The following HMCN2 variants were observed in gnomAD, a reference collection of about 807,000 sequenced individuals.
HMCN2 encodes the protein hemicentin-2.
In HMCN2, 325 loss-of-function variants were observed where a neutral mutation model predicts 377.5. That is an observed-to-expected ratio of 0.86 (90% CI 0.79 to 0.94). The LOEUF (loss-of-function observed/expected upper bound fraction) is 0.94. Among genes scored for constraint, HMCN2 ranks in the 40% least tolerant of loss-of-function variants. The probability of loss-of-function intolerance (pLI) is 0.00; values close to 1 mark genes in which losing one functional copy is unlikely to be tolerated. For synonymous variants in HMCN2, 2,007 were observed against 2,046.8 expected, an observed-to-expected ratio of 0.98 and a Z score of 0.53; for missense variants, 4,543 against 4,725.3, an observed-to-expected ratio of 0.96 and a Z score of 1.13.
chr9:130,351,435 G>A lies in HMCN2; in HGVS notation c.4443G>A (p.Pro1481=), dbSNP rs541332916. 16 of 1,303,998 alleles carry A rather than the reference G, an allele frequency of 1.2e-5. No homozygotes were observed. The highest frequency in any genetic ancestry group is 7.6e-5 in the African/African-American group (5 of 65,952). 80.8% of individuals were successfully genotyped at this position (1,303,998 alleles called of 1,614,324 possible). A position where few individuals can be genotyped will look rare whatever the true frequency, so the allele number is the denominator to read the frequency against. The change falls in exon 30 of 98, where the codon CCG becomes CCA. Residue 1481 remains proline, a synonymous_variant. Transcript: ENST00000683500. This position sits in a 1 kb window ranked among gnomAD's most constrained non-coding sequence, Gnocchi z 5.4. ...CCCGTCTCTCCAGGCCTGTCCTTCC[G>A]GGAGGCCCTCACCTGCAGGTCCAGG... is the stretch of plus-strand genomic sequence containing the variant. The part of the protein sequence containing the change: ...EWTKDRQPVL[P]GGPHLQVQED...
Position 130,348,139 on chromosome 9 carries a change from A to G in HMCN2, c.4025-406A>G, listed in dbSNP as rs550968376. The G allele has an allele frequency of 8.5e-5, 60 of 707,478 alleles. No individual in the cohort carries two copies. In the African/African-American group the frequency reaches 1.1e-3, roughly 13 times the overall value. 43.8% of individuals were successfully genotyped at this position (707,478 alleles called of 1,614,324 possible). On this transcript the variant is annotated intron_variant, in intron 26 of 97. Transcript: ENST00000683500. ...CGCCACCTGCTGCTTCCCCAGGACCAGCTGCTCTGGCTAGCCCTGTAATGA... is the reference window on the plus strand; with the variant it reads ...CGCCACCTGCTGCTTCCCCAGGACCGGCTGCTCTGGCTAGCCCTGTAATGA...
At chr9:130,409,685 T>C (rs1470654502) in intron 84 of HMCN2, among the ~76,000 whole-genome samples, 2 of 152,198 alleles carry the variant, frequency 1.3e-5, no homozygotes, top group Admixed American at 1.3e-4. Context: ...TATAAGATCC[T>C]AGCAGTTATC....
intron 25 of HMCN2, among the ~76,000 whole-genome samples, chr9:130,342,753 C>T (rs1429448436): frequency 6.6e-6 from 1 of 152,116 alleles, no homozygotes; most frequent in Non-Finnish European, 1.5e-5. Context: ...GGGGTGTGAT[C>T]GCCAGGGCTG....
chr9:130,391,930 C>G lies in HMCN2; in HGVS notation c.9953-5C>G, dbSNP rs962321659. The G allele has an allele frequency of 1.0e-6, 1 of 987,842 alleles. No homozygotes were observed. Among genetic ancestry groups the G allele is most frequent in the Non-Finnish European group, 1.2e-6 (1 of 830,124 alleles). 61.2% of individuals were successfully genotyped at this position (987,842 alleles called of 1,614,324 possible). On this transcript the variant is annotated splice_polypyrimidine_tract_variant and splice_region_variant and intron_variant, in intron 65 of 97. Coordinates refer to ENST00000683500, the MANE Select transcript of HMCN2 (RefSeq NM_001291815.2). ...ACTACCCCTCTTTTTTCTACCCACC[C>G]TCAGTTCCTCCCACCATCAAGCAGG...
At position 130,397,188 on chromosome 9, in the gene HMCN2, A is replaced by C. The variant is rs142928483; in HGVS notation, c.11199-340A>C. Among the ~76,000 whole-genome samples the C allele has an allele frequency of 3.9e-5, 6 of 152,370 alleles. No individual in the cohort carries two copies. In the East Asian group the frequency reaches 9.6e-4, roughly 24 times the overall value. On this transcript the variant is annotated intron_variant, in intron 73 of 97. Transcript: ENST00000683500. ...ACAATCATGGTGGAAGGAAAGGAGG[A>C]ACAAGTTACATCTTACGTGGATGGC...
chr9:130,282,935 G>T (rs963869321), intron 1 of HMCN2, among the ~76,000 whole-genome samples: 7 of 152,138 alleles, frequency 4.6e-5, no homozygotes, highest in Non-Finnish European at 7.3e-5. Context: ...GCTGGGTGTG[G>T]TGGCACATGA....
chr9:130,349,268 C>T (rs1839565934), intron 28 of HMCN2, 137 bp downstream of exon 28: 6 of 906,454 alleles, frequency 6.6e-6, no homozygotes, highest in South Asian at 6.6e-5. Context: ...CAGACCCAAC[C>T]CCCATCCTCA....
In HMCN2 at chr9:130,308,331, A is replaced by T. The variant is rs1245154542; in HGVS notation, c.2200+765A>T. Among the ~76,000 whole-genome samples, 1 of 152,194 alleles carries T rather than the reference A, an allele frequency of 6.6e-6. No homozygotes were observed. Among genetic ancestry groups the T allele is most frequent in the African/African-American group, 2.4e-5 (1 of 41,440 alleles). ...ATTCTTAGTGATAGTGCCGACGATA[A>T]TGTGATTATCTGAAAATGACAGCAA... On this transcript the variant is annotated intron_variant, in intron 14 of 97. Transcript: ENST00000683500. The surrounding 1 kb of genome is among the most constrained non-coding windows in gnomAD (Gnocchi z 4.1).
At chr9:130,404,840 G>T (rs1843014006) in intron 80 of HMCN2, 29 bp from the exon 81 acceptor site, 1 of 1,204,990 alleles carries the variant, frequency 8.3e-7, no homozygotes, top group Non-Finnish European at 1.1e-6. Flanking sequence ...CTGAGCCCCG[G>T]TTCCGAGTGG....
At position 130,302,851 on chromosome 9, in the gene HMCN2, C is replaced by T. The variant is rs1564764653; in HGVS notation, c.1277-6C>T. On this transcript the variant is annotated splice_polypyrimidine_tract_variant and splice_region_variant and intron_variant, in intron 8 of 97. Coordinates refer to ENST00000683500, the MANE Select transcript of HMCN2 (RefSeq NM_001291815.2). The stretch of plus-strand genomic sequence containing the variant: ...AGACATTCTGAGTCCTGGTCCCCGC[C>T]TACAGGCGCTCCCCTCGTCAGCATG... 2.2e-6 allele frequency: 1 copy of T among 461,676 alleles called. No individual in the cohort carries two copies. The highest frequency in any genetic ancestry group is 4.5e-6 in the Non-Finnish European group (1 of 221,668). The allele number at this position is 461,676 out of a possible 1,614,324, so 28.6% of individuals were successfully genotyped here.
At chr9:130,334,394 T>C (rs1838593550) in intron 22 of HMCN2, among the ~76,000 whole-genome samples, 2 of 152,150 alleles carry the variant, frequency 1.3e-5, no homozygotes, top group African/African-American at 4.8e-5. Context: ...TCCTGGATCC[T>C]TTGGCCTCAG....
intron 1 of HMCN2, among the ~76,000 whole-genome samples, chr9:130,270,414 T>C (rs1293084594): frequency 7.5e-5 from 11 of 147,564 alleles, no homozygotes; most frequent in African/African-American, 2.7e-4. Flanking sequence ...ATTTTAAAAA[T>C]TGGTAGGCTG....
At chr9:130,419,305 C>G (rs1168693520) in intron 86 of HMCN2, 1 of 357,794 alleles carries the variant, frequency 2.8e-6, no homozygotes, top group African/African-American at 2.1e-5. Context: ...TGTCCTCTGT[C>G]TGGACACTGC....
intron 15 of HMCN2, among the ~76,000 whole-genome samples, 167 bp from the exon 16 acceptor site, chr9:130,319,328 G>T (rs1299962301): frequency 6.6e-6 from 1 of 152,116 alleles, no homozygotes; most frequent in African/African-American, 2.4e-5. Flanking sequence ...AGCTCTCCAG[G>T]GGTGGATGCC....
chr9:130,375,888 TG>T lies in HMCN2; in HGVS notation c.7818del (p.Gln2607ArgfsTer3). The T allele has an allele frequency of 1.0e-6, 1 of 985,962 alleles. No homozygotes were observed. The highest frequency in any genetic ancestry group is 4.7e-5 in the South Asian group (1 of 21,288). The allele number at this position is 985,962 out of a possible 1,614,324, so 61.1% of individuals were successfully genotyped here. Reference protein sequence around the residue: ...NIQLLPGTHGLQILNAQKEDA... With the variant: ...NIQLLPGTHGXQILNAQKEDA... ...GGCCCCCACACAGGTACCCACGGGC[TG>T]CAGATCCTGAATGCCCAGAAGGAAG... On this transcript the variant is annotated frameshift_variant, in exon 51 of 98. Coordinates refer to ENST00000683500, the MANE Select transcript of HMCN2 (RefSeq NM_001291815.2). LOFTEE classifies it high-confidence loss of function.
intron 96 of HMCN2, 108 bp downstream of exon 96, chr9:130,431,594 A>G: frequency 7.0e-7 from 1 of 1,429,940 alleles, no homozygotes. Flanking sequence ...CCCCTTCACA[A>G]CTATCCTGTG....
Position 130,395,351 on chromosome 9 carries a change from G to A in HMCN2, c.10911+4G>A, listed in dbSNP as rs1199371201. On this transcript the variant is annotated splice_donor_region_variant and intron_variant, in intron 71 of 97. Transcript: ENST00000683500. The stretch of plus-strand genomic sequence containing the variant: ...CCGAGACGGCATTGTGCTGCAGGTG[G>A]GCGCCAGGCAGGGCCCCAGGGTGCT... 1.6e-6 allele frequency: 2 copies of A among 1,285,618 alleles called. No individual in the cohort carries two copies. Among genetic ancestry groups the A allele is most frequent in the Non-Finnish European group, 2.0e-6 (2 of 986,908 alleles). 79.6% of individuals were successfully genotyped at this position (1,285,618 alleles called of 1,614,324 possible).
In HMCN2 at chr9:130,370,597, T is replaced by G. The variant is rs552492209; in HGVS notation, c.7070-367T>G. The stretch of plus-strand genomic sequence containing the variant: ...AGCGTTGCCACTTAGCTTCCACACG[T>G]GGATTTGGGAAGCACATCTGGCTTC... On this transcript the variant is annotated intron_variant, in intron 45 of 97. Transcript: ENST00000683500. Among the ~76,000 whole-genome samples, 6 of 152,318 alleles carry G rather than the reference T, an allele frequency of 3.9e-5. No individual in the cohort carries two copies. The South Asian group carries it at 1.2e-3, about 32-fold the overall frequency.
Position 130,433,481 on chromosome 9 carries a change from G to C in HMCN2, c.15028G>C (p.Gly5010Arg). Residue 5010 changes from glycine to arginine, a missense_variant, in exon 98 of 98, where the codon GGC becomes CGC. Gly to Arg is a moderately radical substitution (Grantham distance 125). This residue lies in a region of HMCN2 where 1,155 missense variants were observed against 1,157.7 expected (regional missense o/e 1.00). Coordinates refer to ENST00000683500, the MANE Select transcript of HMCN2 (RefSeq NM_001291815.2). ...VARLTAFSEV[G>R]VPANRTELSM... The stretch of plus-strand genomic sequence containing the variant: ...CCGCCTCACCGCCTTCTCCGAGGTC[G>C]GCGTCCCCGCCAACCGCACCGAGCT... The C allele has an allele frequency of 1.3e-6, 2 of 1,499,092 alleles. No homozygotes were observed. Among genetic ancestry groups the C allele is most frequent in the Non-Finnish European group, 1.8e-6 (2 of 1,132,004 alleles). The allele number at this position is 1,499,092 out of a possible 1,614,324, so 92.9% of individuals were successfully genotyped here.
Sources: gnomAD v4.1 joint callset for allele counts (sites outside exome capture counted in the v4.1 genomes callset) on GRCh38, gnomAD v4.1.1 for gene constraint, gnomAD v4.1.1 regional missense constraint, Gnocchi (gnomAD v3.1) non-coding constraint, MANE v1.5 for transcripts, NCBI Gene and HGNC (gene_info 2026-07-23, HGNC 2026-07-21) for gene names.